ATP2C1: variants seen among roughly 807,000 people sequenced by gnomAD.
The protein encoded by ATP2C1 is calcium-transporting ATPase type 2C member 1.
In ATP2C1, 31 loss-of-function variants were observed where a neutral mutation model predicts 120.5. The ratio of observed to expected loss-of-function variants is 0.26; its 90% confidence interval spans 0.19 to 0.35. The LOEUF is 0.35. ATP2C1 is among the 10% of genes least tolerant of loss of function. ATP2C1 has a pLI of 1.00. For synonymous variants in ATP2C1, 351 were observed against 358.7 expected (o/e 0.98, Z 0.24); for missense variants, 731 against 1,107.5 (o/e 0.66, Z 4.83).
At chr3:130,859,006 C>T (rs749644494) in intron 1 of ATP2C1, among the ~76,000 whole-genome samples, 1 of 152,114 alleles carries the variant, frequency 6.6e-6, no homozygotes, top group Non-Finnish European at 1.5e-5. Flanking sequence ...CTGCAGAGTG[C>T]GGGGGTATGT....
intron 1 of ATP2C1, among the ~76,000 whole-genome samples, chr3:130,877,096 A>C (rs2068628310): frequency 6.6e-6 from 1 of 152,122 alleles, no homozygotes; most frequent in South Asian, 2.1e-4. Flanking sequence ...GATGCTGTTT[A>C]TTTATTTCTC....
chr3:130,953,640 C>CT (rs1446763005), intron 8 of ATP2C1, among the ~76,000 whole-genome samples, 181 bp from the exon 9 acceptor site: 1 of 152,064 alleles, frequency 6.6e-6, no homozygotes, highest in African/African-American at 2.4e-5. Context: ...ATTTTGTTGA[C>CT]TTAATTGTAT....
Position 131,001,835 on chromosome 3 carries a change from CT to C in ATP2C1, c.*490del. 1 of 985,942 alleles carries C rather than the reference CT, an allele frequency of 1.0e-6. No individual in the cohort carries two copies. Among genetic ancestry groups the C allele is most frequent in the Non-Finnish European group, 1.2e-6 (1 of 830,154 alleles). 61.1% of individuals were successfully genotyped at this position (985,942 alleles called of 1,614,324 possible). A position where few individuals can be genotyped will look rare whatever the true frequency, so the allele number is the denominator to read the frequency against. On this transcript the variant is annotated 3_prime_UTR_variant, in exon 28 of 28. Coordinates refer to ENST00000510168, the MANE Select transcript of ATP2C1 (RefSeq NM_001378687.1). ...TGCCATATTTCAGCTACTGTATTTC[CT>C]TTTTCTTGTAATGTAAGCAGCTCAG...
chr3:130,940,596 C>A, intron 6 of ATP2C1, 34 bp from the exon 7 acceptor site: 2 of 1,433,856 alleles, frequency 1.4e-6, no homozygotes, highest in Non-Finnish European at 2.0e-6. Flanking sequence ...TTCATGGGAG[C>A]AAAATTAAAT....
chr3:130,861,912 G>A (rs1472629952), intron 1 of ATP2C1, among the ~76,000 whole-genome samples: 10 of 152,020 alleles, frequency 6.6e-5, no homozygotes, highest in Admixed American at 6.5e-4. Context: ...ACAATGTGGG[G>A]GCCACAGGAT....
chr3:130,968,806 G>A (rs1371167051), intron 16 of ATP2C1, among the ~76,000 whole-genome samples: 2 of 152,166 alleles, frequency 1.3e-5, no homozygotes, highest in Admixed American at 6.5e-5. Context: ...TGATGCAAAC[G>A]CTATTAGGAG....
At position 130,894,159 on chromosome 3, in the gene ATP2C1, G is replaced by T; in HGVS notation, c.-359G>T. 3.7e-6 allele frequency: 1 copy of T among 271,072 alleles called. No individual in the cohort carries two copies. Among genetic ancestry groups the T allele is most frequent in the Non-Finnish European group, 4.8e-6 (1 of 208,144 alleles). The allele number at this position is 271,072 out of a possible 1,614,324, so 16.8% of individuals were successfully genotyped here. On this transcript the variant is annotated 5_prime_UTR_variant, in exon 1 of 28. Transcript: ENST00000510168. The surrounding 1 kb of genome is among the most constrained non-coding windows in gnomAD (Gnocchi z 4.5). ...TCACCTCCTCTTCTCTCCCCTCCCC[G>T]CCCGCCCTCTCTCCCTCCCTTCCTC...
At chr3:131,013,118 G>GGTTCTCTTTATTTTC (rs1434885893) in intron 26 of ATP2C1, among the ~76,000 whole-genome samples, 4 of 152,098 alleles carry the variant, frequency 2.6e-5, no homozygotes, top group Non-Finnish European at 5.9e-5. Context: ...TATTCTACTT[G>GGTTCTCTTTATTTTC]GTTCTCTTTA....
rs2060729208 is a variant in ATP2C1, at chr3:130,959,583, TATATATAA to T, written c.899+248_899+255del. On this transcript the variant is annotated intron_variant, in intron 12 of 27. Coordinates refer to ENST00000510168, the MANE Select transcript of ATP2C1 (RefSeq NM_001378687.1). ...AATTACTAATGCATTATTGCCTTTT[TATATATAA>T]ATATACAATTAAGGATTGTCAAATT... The T allele has an allele frequency of 2.1e-5, 5 of 234,280 alleles. No individual in the cohort carries two copies. The South Asian group carries it at 4.7e-4, about 22-fold the overall frequency. 14.5% of individuals were successfully genotyped at this position (234,280 alleles called of 1,614,324 possible).
intron 17 of ATP2C1, among the ~76,000 whole-genome samples, chr3:130,974,022 G>A (rs2061440537): frequency 6.6e-6 from 1 of 152,284 alleles, no homozygotes; most frequent in Non-Finnish European, 1.5e-5. Context: ...CTAGAAATCA[G>A]CCAATTAGAA....
At chr3:130,922,756 T>A (rs1015701141) in intron 2 of ATP2C1, among the ~76,000 whole-genome samples, 53 of 152,232 alleles carry the variant, frequency 3.5e-4, no homozygotes, top group African/African-American at 1.2e-3. Flanking sequence ...TCTATGTATT[T>A]ATGTAGTTTT....
intron 20 of ATP2C1, among the ~76,000 whole-genome samples, chr3:130,987,658 T>C (rs1444182929): frequency 6.6e-6 from 1 of 152,212 alleles, no homozygotes; most frequent in African/African-American, 2.4e-5. Context: ...TCACATCAGT[T>C]TGAATAACTT....
In ATP2C1 at chr3:130,959,256, C is replaced by T; in HGVS notation, c.833-19C>T. On this transcript the variant is annotated intron_variant, in intron 11 of 27. Transcript: ENST00000510168. ...GATTGTATGTAAAAGGGAAAAATAA[C>T]TATTTAATTATCTTTCAGGAATCAT... is the stretch of plus-strand genomic sequence containing the variant. 6.3e-7 allele frequency: 1 copy of T among 1,577,634 alleles called. No homozygotes were observed. Among genetic ancestry groups the T allele is most frequent in the South Asian group, 1.1e-5 (1 of 90,220 alleles).
chr3:130,898,188 A>G (rs1253394372), intron 2 of ATP2C1, among the ~76,000 whole-genome samples: 1 of 152,224 alleles, frequency 6.6e-6, no homozygotes, highest in Non-Finnish European at 1.5e-5. Flanking sequence ...ATAGAAATGT[A>G]ATAGTCTTCA....
At chr3:130,977,068 A>G (rs1576960998) in intron 18 of ATP2C1, among the ~76,000 whole-genome samples, 2 of 152,094 alleles carry the variant, frequency 1.3e-5, no homozygotes, top group East Asian at 3.9e-4. Context: ...GGCTTGACCC[A>G]GGATTATAAT....
chr3:130,987,107 TAAA>T (rs756019367), intron 20 of ATP2C1, among the ~76,000 whole-genome samples: 17 of 137,056 alleles, frequency 1.2e-4, no homozygotes, highest in African/African-American at 3.0e-4. Context: ...CTTGGGTAAT[TAAA>T]AAAAAAAAAA....
intron 14 of ATP2C1, among the ~76,000 whole-genome samples, chr3:130,965,361 C>T (rs191565174): frequency 9.1e-4 from 138 of 152,064 alleles, no homozygotes; most frequent in Admixed American, 2.7e-3. Context: ...TTTAAGTTAC[C>T]GCCATTTCTC....
At chr3:130,966,956 A>G (rs1459731239) in intron 14 of ATP2C1, among the ~76,000 whole-genome samples, 189 bp from the exon 15 acceptor site, 2 of 152,216 alleles carry the variant, frequency 1.3e-5, no homozygotes, top group African/African-American at 4.8e-5. Context: ...GATGAGAATT[A>G]GAATCTATAT....
At chr3:130,911,066 T>C (rs1341520237) in intron 2 of ATP2C1, among the ~76,000 whole-genome samples, 1 of 151,986 alleles carries the variant, frequency 6.6e-6, no homozygotes, top group Admixed American at 6.6e-5. Flanking sequence ...TGGCTGTGAA[T>C]CCATCTGGTC....
Sources: gnomAD v4.1 joint callset for allele counts (sites outside exome capture counted in the v4.1 genomes callset) on GRCh38, gnomAD v4.1.1 for gene constraint, Gnocchi (gnomAD v3.1) non-coding constraint, MANE v1.5 for transcripts, NCBI Gene and HGNC (gene_info 2026-07-23, HGNC 2026-07-21) for gene names.